Variants in CADM2 observed in about 807,000 individuals in gnomAD.
CADM2 encodes the protein cell adhesion molecule 2, also known as immunoglobulin superfamily member 4D.
Under a neutral mutation model 49.8 loss-of-function variants are expected in CADM2, and 12 were observed. That is an observed-to-expected ratio of 0.24 (90% CI 0.15 to 0.39). CADM2 has a LOEUF of 0.39. Ranked by LOEUF, CADM2 falls within the 10% of genes least tolerant of loss-of-function variation. CADM2 has a pLI of 1.00. For missense variants in CADM2, 378 were observed against 492.3 expected, an observed-to-expected ratio of 0.77 and a Z score of 2.20; for synonymous variants, 214 against 175.4, an observed-to-expected ratio of 1.22 and a Z score of -1.74.
intron 8 of CADM2, chr3:86,012,547 G>C: frequency 6.8e-7 from 1 of 1,467,484 alleles, no homozygotes. Flanking sequence ...GGGCCAGCCA[G>C]CGGGCGGGCG....
At chr3:85,003,372 G>T (rs552985658) in intron 1 of CADM2, among the ~76,000 whole-genome samples, 2 of 152,072 alleles carry the variant, frequency 1.3e-5, no homozygotes, top group African/African-American at 4.8e-5. Flanking sequence ...AGATGAGATT[G>T]TTTAAAAAAA....
intron 3 of CADM2, among the ~76,000 whole-genome samples, chr3:85,802,624 C>T (rs1202169759): frequency 3.3e-5 from 5 of 151,802 alleles, no homozygotes; most frequent in East Asian, 3.9e-4. Flanking sequence ...GACTTTGCTC[C>T]GAAACTAAGA....
chr3:85,237,086 T>C (rs1488227475), intron 1 of CADM2, among the ~76,000 whole-genome samples: 1 of 152,070 alleles, frequency 6.6e-6, no homozygotes, highest in Non-Finnish European at 1.5e-5. Flanking sequence ...GAGGCTTTGA[T>C]CTATTAAGTA....
intron 1 of CADM2, among the ~76,000 whole-genome samples, chr3:85,203,388 G>C (rs758236382): frequency 6.6e-6 from 1 of 152,122 alleles, no homozygotes; most frequent in Non-Finnish European, 1.5e-5. Context: ...GGAGGAGAGA[G>C]AGAGAGAAAG....
chr3:86,064,190 T>G (rs1739038122), intron 8 of CADM2, among the ~76,000 whole-genome samples: 1 of 152,124 alleles, frequency 6.6e-6, no homozygotes, highest in South Asian at 2.1e-4. Flanking sequence ...TATCTCCTAA[T>G]GCTATCCCTC....
At chr3:85,173,263 A>G (rs1369810427) in intron 1 of CADM2, among the ~76,000 whole-genome samples, 1 of 152,102 alleles carries the variant, frequency 6.6e-6, no homozygotes, top group Non-Finnish European at 1.5e-5. Flanking sequence ...GGAGGAGACA[A>G]TTACTACTTT....
chr3:85,267,057 T>A (rs577872223), intron 1 of CADM2, among the ~76,000 whole-genome samples: 325 of 152,012 alleles, frequency 2.1e-3, no homozygotes, highest in Non-Finnish European at 3.7e-3. Flanking sequence ...TAATGAGTTA[T>A]TTTTTCCAAA....
chr3:85,708,887 G>C (rs138366936), intron 1 of CADM2, among the ~76,000 whole-genome samples: 1 of 151,898 alleles, frequency 6.6e-6, no homozygotes, highest in Non-Finnish European at 1.5e-5. Context: ...GTGTGGGACA[G>C]TTCAGATTAT....
At chr3:85,587,346 A>G (rs902074531) in intron 1 of CADM2, among the ~76,000 whole-genome samples, 1 of 152,122 alleles carries the variant, frequency 6.6e-6, no homozygotes, top group African/African-American at 2.4e-5. Flanking sequence ...TTCCAGTAAT[A>G]GTAGGGTATA....
At chr3:85,060,367 T>C (rs1427985276) in intron 1 of CADM2, among the ~76,000 whole-genome samples, 1 of 152,030 alleles carries the variant, frequency 6.6e-6, no homozygotes, top group Non-Finnish European at 1.5e-5. Flanking sequence ...CCTCAGGTGA[T>C]CCACCCGCCT....
At chr3:85,477,742 CACCTTCT>C (rs1271924812) in intron 1 of CADM2, among the ~76,000 whole-genome samples, 1 of 151,834 alleles carries the variant, frequency 6.6e-6, no homozygotes, top group Non-Finnish European at 1.5e-5. Context: ...ATTTTCCTCT[CACCTTCT>C]GTAGGGATGA....
intron 1 of CADM2, among the ~76,000 whole-genome samples, chr3:85,721,853 C>T (rs1425526983): frequency 1.3e-5 from 2 of 152,230 alleles, no homozygotes; most frequent in African/African-American, 4.8e-5. Context: ...TCTGTTACAG[C>T]TCTTTTAGCC....
intron 7 of CADM2, among the ~76,000 whole-genome samples, chr3:85,937,865 C>CA (rs1721371556): frequency 6.6e-6 from 1 of 152,000 alleles, no homozygotes; most frequent in Non-Finnish European, 1.5e-5. Flanking sequence ...ATGAGCTCCA[C>CA]AACGTCTTCA....
Position 86,014,881 on chromosome 3 carries a change from A to C in CADM2, c.971-50724A>C. ...TTTCCTAATGTGTATGCATTGATGA[A>C]GGTCCTGTGTATTCTTCCTGTGATG... is the stretch of plus-strand genomic sequence containing the variant. On this transcript the variant is annotated intron_variant, in intron 8 of 9. Transcript: ENST00000383699. The C allele has an allele frequency of 1.9e-6, 3 of 1,544,154 alleles. No individual in the cohort carries two copies. In the South Asian group the frequency reaches 3.5e-5, roughly 18 times the overall value.
At chr3:85,776,827 A>AAT (rs1203229496) in intron 2 of CADM2, among the ~76,000 whole-genome samples, 4 of 152,054 alleles carry the variant, frequency 2.6e-5, no homozygotes, top group African/African-American at 9.7e-5. Context: ...ATTTTTTGTA[A>AAT]ATATTACCAA....
intron 1 of CADM2, among the ~76,000 whole-genome samples, chr3:84,985,450 C>G (rs907832699): frequency 6.6e-6 from 1 of 151,802 alleles, no homozygotes; most frequent in Non-Finnish European, 1.5e-5. Flanking sequence ...TAAAATATAG[C>G]TTTTATTAGG....
chr3:85,207,609 T>C (rs1424595398), intron 1 of CADM2, among the ~76,000 whole-genome samples: 4 of 152,152 alleles, frequency 2.6e-5, no homozygotes, highest in African/African-American at 9.7e-5. Flanking sequence ...GACTAAAGTA[T>C]TTTTATCTAG....
chr3:85,443,041 A>G (rs2037285130), intron 1 of CADM2, among the ~76,000 whole-genome samples: 1 of 152,074 alleles, frequency 6.6e-6, no homozygotes, highest in African/African-American at 2.4e-5. Flanking sequence ...AGTCAAACTT[A>G]TAATAATCAC....
At chr3:85,649,959 C>T (rs904121184) in intron 1 of CADM2, among the ~76,000 whole-genome samples, 16 of 152,082 alleles carry the variant, frequency 1.1e-4, no homozygotes, top group Non-Finnish European at 2.1e-4. Flanking sequence ...AATCAATAGC[C>T]GTTATATAGG....
Sources: gnomAD v4.1 joint callset for allele counts (sites outside exome capture counted in the v4.1 genomes callset) on GRCh38, gnomAD v4.1.1 for gene constraint, MANE v1.5 for transcripts, NCBI Gene and HGNC (gene_info 2026-07-23, HGNC 2026-07-21) for gene names.